Variants in GABRG3 observed in about 807,000 individuals in gnomAD.
The protein encoded by GABRG3 is gamma-aminobutyric acid type A receptor subunit gamma3, also known as gamma-aminobutyric acid receptor subunit gamma-3.
A neutral mutation model predicts 48.8 loss-of-function variants in GABRG3; 25 were observed. That is an observed-to-expected ratio of 0.51 (90% confidence interval 0.37 to 0.72). The LOEUF (loss-of-function observed/expected upper bound fraction) is 0.72, where lower values mean the gene tolerates loss of function less well. Ranked by LOEUF, GABRG3 falls within the 30% of genes least tolerant of loss-of-function variation. The probability of loss-of-function intolerance (pLI) is 0.00; values close to 1 mark genes in which losing one functional copy is unlikely to be tolerated. For missense variants in GABRG3, 394 were observed against 577.9 expected (o/e 0.68, Z 3.26); for synonymous variants, 227 against 217.6 (o/e 1.04, Z -0.38).
intron 3 of GABRG3, among the ~76,000 whole-genome samples, chr15:27,137,056 C>T (rs1333955214): frequency 6.6e-6 from 1 of 152,210 alleles, no homozygotes; most frequent in Non-Finnish European, 1.5e-5. Context: ...GAGGAGCTGC[C>T]TGACTCGTAC....
intron 3 of GABRG3, among the ~76,000 whole-genome samples, chr15:27,102,559 G>T (rs2140365796): frequency 1.3e-5 from 2 of 152,248 alleles, no homozygotes; most frequent in Non-Finnish European, 2.9e-5. Flanking sequence ...TGGTCGTGGG[G>T]ACTGCATTTG....
At chr15:27,501,895 A>G (rs1431532138) in intron 6 of GABRG3, among the ~76,000 whole-genome samples, 1 of 152,074 alleles carries the variant, frequency 6.6e-6, no homozygotes, top group Non-Finnish European at 1.5e-5. Flanking sequence ...TGAGACAATG[A>G]CAGCTTTTAG....
At chr15:27,419,651 C>G (rs1888050612) in intron 5 of GABRG3, among the ~76,000 whole-genome samples, 2 of 152,112 alleles carry the variant, frequency 1.3e-5, no homozygotes, top group African/African-American at 4.8e-5. Context: ...GCAGCTTTGT[C>G]CACTTAAACA....
chr15:27,425,054 C>G (rs1888249023), intron 5 of GABRG3, among the ~76,000 whole-genome samples: 1 of 152,144 alleles, frequency 6.6e-6, no homozygotes, highest in Non-Finnish European at 1.5e-5. Context: ...CATCAAGGCC[C>G]AGGTGAGCTT....
At chr15:27,310,108 C>T (rs1257477877) in intron 3 of GABRG3, among the ~76,000 whole-genome samples, 1 of 151,998 alleles carries the variant, frequency 6.6e-6, no homozygotes, top group East Asian at 1.9e-4. Flanking sequence ...TCCCTCCCAA[C>T]GAAAAGAATC....
chr15:27,080,628 A>C (rs1256281421), intron 3 of GABRG3, among the ~76,000 whole-genome samples: 1 of 152,200 alleles, frequency 6.6e-6, no homozygotes, highest in Admixed American at 6.5e-5. Flanking sequence ...ATAAAATGAA[A>C]TGAAATTAAA....
rs993018775 is a variant in GABRG3, at chr15:27,457,247, C to A, written c.575-23403C>A. 1.3e-5 allele frequency among the ~76,000 whole-genome samples: 2 copies of A among 152,070 alleles called. No homozygotes were observed. Among genetic ancestry groups the A allele is most frequent in the Admixed American group, 1.3e-4 (2 of 15,268 alleles). Reference sequence around the variant, plus strand: ...CGACAGATGTACAGTGCAGGGCCGGCGGGGTGGTGGAGAGAAAGGAGGCAT... The same window carrying A: ...CGACAGATGTACAGTGCAGGGCCGGAGGGGTGGTGGAGAGAAAGGAGGCAT... On this transcript the variant is annotated intron_variant, in intron 5 of 9. Coordinates refer to ENST00000615808, the MANE Select transcript of GABRG3 (RefSeq NM_033223.5). This position sits in a 1 kb window ranked among gnomAD's most constrained non-coding sequence, Gnocchi z 4.4.
At position 27,076,875 on chromosome 15, in the gene GABRG3, G is replaced by T. The variant is rs1300499088; in HGVS notation, c.270+50054G>T. On this transcript the variant is annotated intron_variant, in intron 3 of 9. Transcript: ENST00000615808. ...TTTAGGATCTCTGGTGTCCAGAGCT[G>T]TGAGAGAAAAACATTTTGTTGCTTT... Among the ~76,000 whole-genome samples the T allele has an allele frequency of 2.0e-5, 3 of 152,218 alleles. No individual in the cohort carries two copies. In the East Asian group the frequency reaches 5.8e-4, roughly 29 times the overall value.
chr15:27,003,132 T>C (rs950413636), intron 2 of GABRG3, among the ~76,000 whole-genome samples: 4 of 151,660 alleles, frequency 2.6e-5, no homozygotes, highest in African/African-American at 4.8e-5. Context: ...ATATCGTTGG[T>C]ATTCAAGTAT....
intron 3 of GABRG3, among the ~76,000 whole-genome samples, chr15:27,199,136 A>C (rs1197610514): frequency 6.6e-6 from 1 of 152,170 alleles, no homozygotes; most frequent in Non-Finnish European, 1.5e-5. Flanking sequence ...CCAGAACTTA[A>C]GCATATAAAA....
At chr15:27,370,919 T>C (rs955361322) in intron 5 of GABRG3, among the ~76,000 whole-genome samples, 3 of 152,186 alleles carry the variant, frequency 2.0e-5, no homozygotes, top group Non-Finnish European at 4.4e-5. Context: ...ATTTAAATTG[T>C]ACTGCACAAG....
intron 5 of GABRG3, among the ~76,000 whole-genome samples, chr15:27,357,163 T>A (rs1894869586): frequency 6.6e-6 from 1 of 152,184 alleles, no homozygotes; most frequent in South Asian, 2.1e-4. Context: ...TTAACACCCA[T>A]CCTGTCGCTC....
At chr15:27,345,083 T>A (rs556358171) in intron 5 of GABRG3, among the ~76,000 whole-genome samples, 2 of 152,320 alleles carry the variant, frequency 1.3e-5, no homozygotes, top group East Asian at 3.9e-4. Context: ...CCTGCCTGAG[T>A]CTTTATGTTT....
intron 3 of GABRG3, chr15:27,161,133 A>T (rs779098218): frequency 1.3e-5 from 2 of 151,930 alleles, no homozygotes; most frequent in Non-Finnish European, 2.9e-5. Flanking sequence ...GACCCATCGT[A>T]TGTTACTACT....
At chr15:27,214,231 T>G (rs1361650069) in intron 3 of GABRG3, among the ~76,000 whole-genome samples, 1 of 152,204 alleles carries the variant, frequency 6.6e-6, no homozygotes, top group African/African-American at 2.4e-5. Context: ...ATGGTAGTCA[T>G]AGCAACAGCA....
intron 3 of GABRG3, among the ~76,000 whole-genome samples, chr15:27,281,496 A>G (rs1595635084): frequency 6.8e-6 from 1 of 148,140 alleles, no homozygotes. Context: ...TTACAGTTAC[A>G]CTTTGATTTA....
intron 3 of GABRG3, among the ~76,000 whole-genome samples, chr15:27,204,034 G>A (rs1405326223): frequency 1.3e-5 from 2 of 152,198 alleles, no homozygotes; most frequent in South Asian, 2.1e-4. Context: ...TTCTTTTGCT[G>A]TGCATAAACT....
chr15:27,425,448 C>CAAAAAAAAA (rs57986546), intron 5 of GABRG3, among the ~76,000 whole-genome samples: 1 of 77,872 alleles, frequency 1.3e-5, no homozygotes, highest in African/African-American at 4.0e-5. Flanking sequence ...ACTAAAAATA[C>CAAAAAAAAA]AAAAAAAAAA....
intron 2 of GABRG3, among the ~76,000 whole-genome samples, chr15:27,024,026 G>GT (rs1225442330): frequency 6.6e-6 from 1 of 152,178 alleles, no homozygotes; most frequent in African/African-American, 2.4e-5. Flanking sequence ...CCGAATGGGT[G>GT]TGAGTGTTAT....
Sources: allele counts gnomAD v4.1 joint callset (sites outside exome capture counted in the v4.1 genomes callset), GRCh38; gene constraint gnomAD v4.1.1; non-coding constraint Gnocchi (gnomAD v3.1); transcripts MANE v1.5; gene names NCBI Gene and HGNC (gene_info 2026-07-23, HGNC 2026-07-21).